The following MSRA variants were observed in gnomAD, a reference collection of about 807,000 sequenced individuals.
MSRA encodes mitochondrial peptide methionine sulfoxide reductase.
MSRA carries 54 observed loss-of-function variants against 31.3 expected under a neutral mutation model. The ratio of observed to expected loss-of-function variants is 1.73; its 90% CI spans 1.39 to 2.17. The LOEUF is 2.17. Ranked by LOEUF, MSRA falls within the 30% of genes most tolerant of loss-of-function variation. MSRA has a pLI of 0.00. For synonymous variants in MSRA, 169 were observed against 116.5 expected (o/e 1.45, Z -2.90); for missense variants, 507 against 300.9 (o/e 1.69, Z -5.07).
At chr8:10,263,305 T>C (rs1013416796) in intron 3 of MSRA, among the ~76,000 whole-genome samples, 3 of 152,206 alleles carry the variant, frequency 2.0e-5, no homozygotes, top group African/African-American at 2.4e-5. Context: ...GGGCCATCTT[T>C]GATTTATCCT....
chr8:10,092,250 C>T (rs1798895505), intron 1 of MSRA, among the ~76,000 whole-genome samples: 1 of 151,946 alleles, frequency 6.6e-6, no homozygotes, highest in African/African-American at 2.4e-5. Flanking sequence ...TTGAGTTCTA[C>T]TTTTATTCCA....
chr8:10,113,779 A>T (rs955665124), intron 1 of MSRA, among the ~76,000 whole-genome samples: 5 of 151,520 alleles, frequency 3.3e-5, no homozygotes, highest in African/African-American at 9.7e-5. Flanking sequence ...TTTTTTTTTA[A>T]AAAAAAGATT....
At chr8:10,300,384 T>C (rs966712320) in intron 3 of MSRA, among the ~76,000 whole-genome samples, 2 of 151,988 alleles carry the variant, frequency 1.3e-5, no homozygotes, top group Admixed American at 1.3e-4. Flanking sequence ...GCGTCCCGAG[T>C]AGCTGGGATT....
intron 5 of MSRA, among the ~76,000 whole-genome samples, chr8:10,348,841 G>C (rs533080194): frequency 3.3e-5 from 5 of 152,176 alleles, no homozygotes; most frequent in Admixed American, 6.5e-5. Flanking sequence ...AGAAGGCTTG[G>C]GGGGGACAAG....
At position 10,286,773 on chromosome 8, in the gene MSRA, C is replaced by T. The variant is rs1799960095; in HGVS notation, c.332-14761C>T. Among the ~76,000 whole-genome samples the T allele has an allele frequency of 2.6e-5, 4 of 152,212 alleles. No individual in the cohort carries two copies. In the South Asian group the frequency reaches 8.3e-4, roughly 32 times the overall value. Reference sequence around the variant, plus strand: ...TGGCTTCAAGCCAAGATTGAAGGCTCACATGTATTGAATTCCTGGCCTGTC... The same window carrying T: ...TGGCTTCAAGCCAAGATTGAAGGCTTACATGTATTGAATTCCTGGCCTGTC... On this transcript the variant is annotated intron_variant, in intron 3 of 5. Transcript: ENST00000317173.
In MSRA at chr8:10,361,470, G is replaced by A. The variant is rs150129711; in HGVS notation, c.543+41481G>A. ...GGCCCTGGGCAAAATTTTGAAATAG[G>A]TAACTTCCCTTTGCATTCTCCCAGT... On this transcript the variant is annotated intron_variant, in intron 5 of 5. Coordinates refer to ENST00000317173, the MANE Select transcript of MSRA (RefSeq NM_012331.5). 1.7e-3 allele frequency among the ~76,000 whole-genome samples: 262 copies of A among 152,232 alleles called. 3 individuals are homozygous for A. Among genetic ancestry groups the A allele is most frequent in the African/African-American group, 5.0e-3 (208 of 41,538 alleles).
At chr8:10,330,656 T>A (rs1306184911) in intron 5 of MSRA, among the ~76,000 whole-genome samples, 1 of 152,194 alleles carries the variant, frequency 6.6e-6, no homozygotes, top group East Asian at 1.9e-4. Context: ...TGACAAATGC[T>A]CTTTTCTGCA....
At chr8:10,270,565 G>T (rs1312457377) in intron 3 of MSRA, among the ~76,000 whole-genome samples, 1 of 152,314 alleles carries the variant, frequency 6.6e-6, no homozygotes, top group South Asian at 2.1e-4. Flanking sequence ...TGCTAGAGGA[G>T]GGAGGTCACC....
At chr8:10,194,571 A>G (rs1807811542) in intron 1 of MSRA, among the ~76,000 whole-genome samples, 1 of 152,228 alleles carries the variant, frequency 6.6e-6, no homozygotes, top group Non-Finnish European at 1.5e-5. Context: ...GAAAAAAACC[A>G]AAAAACAATT....
At position 10,418,815 on chromosome 8, in the gene MSRA, T is replaced by TAAAAAA. The variant is rs71203323; in HGVS notation, c.544-9315_544-9310dup. On this transcript the variant is annotated intron_variant, in intron 5 of 5. Coordinates refer to ENST00000317173, the MANE Select transcript of MSRA (RefSeq NM_012331.5). The stretch of plus-strand genomic sequence containing the variant: ...TATGTTATGTGTATTTTACTACGAC[T>TAAAAAA]AAAAAAAAAAAAAAAAAAAAAAACC... Among the ~76,000 whole-genome samples, 328 of 65,964 alleles carry TAAAAAA rather than the reference T, an allele frequency of 5.0e-3. 9 individuals are homozygous for TAAAAAA. Among genetic ancestry groups the TAAAAAA allele is most frequent in the African/African-American group, 0.017 (264 of 15,472 alleles). The allele number at this position is 65,964 out of a possible 152,430, so 43.3% of individuals were successfully genotyped here.
At chr8:10,372,485 G>A (rs1283823987) in intron 5 of MSRA, among the ~76,000 whole-genome samples, 1 of 152,126 alleles carries the variant, frequency 6.6e-6, no homozygotes, top group Non-Finnish European at 1.5e-5. Flanking sequence ...GGCATGTGCT[G>A]TTTTCCCGAT....
chr8:10,127,132 G>C (rs1394253611), intron 1 of MSRA, among the ~76,000 whole-genome samples: 1 of 152,186 alleles, frequency 6.6e-6, no homozygotes, highest in Non-Finnish European at 1.5e-5. Flanking sequence ...ACTCTGGTGT[G>C]CTTGGTCCTC....
At chr8:10,117,486 C>T (rs922986266) in intron 1 of MSRA, among the ~76,000 whole-genome samples, 2 of 152,176 alleles carry the variant, frequency 1.3e-5, no homozygotes, top group Non-Finnish European at 2.9e-5. Context: ...TGGGGCTCGT[C>T]TTTTGGGAGC....
chr8:10,207,597 C>T (rs1326740499), intron 1 of MSRA, among the ~76,000 whole-genome samples: 1 of 152,122 alleles, frequency 6.6e-6, no homozygotes. Flanking sequence ...TCCAGCTCTG[C>T]ACAAGCTCAG....
At chr8:10,134,046 G>C (rs1490739062) in intron 1 of MSRA, among the ~76,000 whole-genome samples, 4 of 152,058 alleles carry the variant, frequency 2.6e-5, no homozygotes, top group Admixed American at 6.5e-5. Context: ...GGCCAGCCTG[G>C]TCTCCCAACT....
intron 3 of MSRA, among the ~76,000 whole-genome samples, chr8:10,300,590 G>A (rs1318604803): frequency 6.6e-6 from 1 of 152,032 alleles, no homozygotes; most frequent in East Asian, 1.9e-4. Context: ...GGTTTCACCA[G>A]ATTGGCCAGG....
At chr8:10,363,017 T>A (rs1191479537) in intron 5 of MSRA, among the ~76,000 whole-genome samples, 2 of 152,222 alleles carry the variant, frequency 1.3e-5, no homozygotes, top group Admixed American at 6.5e-5. Context: ...AGAACACTCA[T>A]AAGAAATGTA....
chr8:10,135,098 G>C (rs1055940342), intron 1 of MSRA, among the ~76,000 whole-genome samples: 1 of 152,228 alleles, frequency 6.6e-6, no homozygotes, highest in Non-Finnish European at 1.5e-5. Flanking sequence ...AATGAGAGAG[G>C]CACTGTCATT....
intron 4 of MSRA, among the ~76,000 whole-genome samples, chr8:10,309,496 T>G (rs913515993): frequency 6.6e-6 from 1 of 152,234 alleles, no homozygotes; most frequent in Non-Finnish European, 1.5e-5. Flanking sequence ...TCAGCTCATG[T>G]TCTGATTACC....
Sources: gnomAD v4.1 joint callset for allele counts (sites outside exome capture counted in the v4.1 genomes callset) on GRCh38, gnomAD v4.1.1 for gene constraint, MANE v1.5 for transcripts, NCBI Gene and HGNC (gene_info 2026-07-23, HGNC 2026-07-21) for gene names.